The following FIP1L1 variants were observed in gnomAD, a reference collection of about 807,000 sequenced individuals.
FIP1L1 encodes the protein factor interacting with PAPOLA and CPSF1.
In FIP1L1, 21 loss-of-function variants were observed where a neutral mutation model predicts 84.6. The observed-to-expected ratio is 0.25, with a 90% CI of 0.18 to 0.36. The LOEUF is 0.36. FIP1L1 is among the 10% of genes least tolerant of loss of function. The probability of loss-of-function intolerance (pLI) is 1.00; values close to 1 mark genes in which losing one functional copy is unlikely to be tolerated. For synonymous variants in FIP1L1, 263 were observed against 242.3 expected, an observed-to-expected ratio of 1.09 and a Z score of -0.80; for missense variants, 526 against 751.1, an observed-to-expected ratio of 0.70 and a Z score of 3.50.
chr4:53,414,846 A>G (rs945913271), intron 11 of FIP1L1, 124 bp downstream of exon 11: 4 of 626,062 alleles, frequency 6.4e-6, no homozygotes, highest in African/African-American at 1.9e-5. Flanking sequence ...ATGCTTTTTC[A>G]GGGTACAGTT....
chr4:53,382,169 G>A, intron 3 of FIP1L1, 109 bp from the exon 4 acceptor site: 1 of 726,466 alleles, frequency 1.4e-6, no homozygotes, highest in Non-Finnish European at 2.3e-6. Flanking sequence ...TGTCTCCAGT[G>A]GAGACAATAA....
At chr4:53,438,267 G>A (rs1770368379) in intron 13 of FIP1L1, among the ~76,000 whole-genome samples, 1 of 152,166 alleles carries the variant, frequency 6.6e-6, no homozygotes, top group South Asian at 2.1e-4. Context: ...GAAGATGGAG[G>A]TGTTGGGAGG....
chr4:53,431,843 C>T (rs1766821627), intron 13 of FIP1L1, among the ~76,000 whole-genome samples: 1 of 152,190 alleles, frequency 6.6e-6, no homozygotes, highest in Non-Finnish European at 1.5e-5. Context: ...AGATAACTCT[C>T]ATTTGAAGGA....
Position 53,460,700 on chromosome 4 carries a change from T to C in FIP1L1, c.*1251T>C. 1.9e-6 allele frequency: 1 copy of C among 518,140 alleles called. No homozygotes were observed. Among genetic ancestry groups the C allele is most frequent in the Non-Finnish European group, 3.3e-6 (1 of 300,956 alleles). 32.1% of individuals were successfully genotyped at this position (518,140 alleles called of 1,614,324 possible). ...AATGTTGTAGAGTAATGAGAAATCC[T>C]CCACACTGAAAAAAAACTAGTAGTT... On this transcript the variant is annotated 3_prime_UTR_variant, in exon 18 of 18. Coordinates refer to ENST00000337488, the MANE Select transcript of FIP1L1 (RefSeq NM_030917.4).
intron 6 of FIP1L1, among the ~76,000 whole-genome samples, chr4:53,390,286 A>G (rs964588742): frequency 1.1e-4 from 17 of 152,100 alleles, no homozygotes; most frequent in African/African-American, 3.4e-4. Flanking sequence ...ACCGTACATC[A>G]CAGAGACTGG....
chr4:53,394,728 AATTT>A (rs1404898501), intron 9 of FIP1L1, among the ~76,000 whole-genome samples: 1 of 149,260 alleles, frequency 6.7e-6, no homozygotes, highest in East Asian at 1.9e-4. Context: ...AAATTGTGAT[AATTT>A]ATTTATGGTT....
chr4:53,391,750 G>A (rs1201013414), intron 9 of FIP1L1, among the ~76,000 whole-genome samples: 1 of 152,138 alleles, frequency 6.6e-6, no homozygotes, highest in Admixed American at 6.6e-5. Flanking sequence ...TTCATTTTGA[G>A]TCGTAATACA....
intron 11 of FIP1L1, among the ~76,000 whole-genome samples, chr4:53,421,009 G>A (rs1001883484): frequency 1.3e-5 from 2 of 152,152 alleles, no homozygotes; most frequent in African/African-American, 2.4e-5. Flanking sequence ...CTTCAAAAAA[G>A]TATTGATGCT....
intron 4 of FIP1L1, among the ~76,000 whole-genome samples, chr4:53,383,021 T>C (rs1215836013): frequency 6.6e-6 from 1 of 151,956 alleles, no homozygotes; most frequent in Non-Finnish European, 1.5e-5. Context: ...CTTTGGGGTT[T>C]TTTTTTTTAA....
At chr4:53,458,602 T>C in intron 16 of FIP1L1, 51 bp from the exon 17 acceptor site, 1 of 1,581,802 alleles carries the variant, frequency 6.3e-7, no homozygotes, top group South Asian at 1.2e-5. Context: ...TTTGAATCCA[T>C]TCAGAATTAA....
intron 4 of FIP1L1, among the ~76,000 whole-genome samples, chr4:53,382,730 T>G: frequency 6.6e-6 from 1 of 152,256 alleles, no homozygotes; most frequent in East Asian, 1.9e-4. Flanking sequence ...ATGCCATTGA[T>G]ACTTTGTGAG....
intron 10 of FIP1L1, among the ~76,000 whole-genome samples, chr4:53,413,062 C>T (rs149367519): frequency 3.3e-5 from 5 of 152,026 alleles, no homozygotes; most frequent in African/African-American, 1.2e-4. Flanking sequence ...GTGTTTAAAC[C>T]GTATGTATGA....
chr4:53,442,128 T>C (rs1245393314), intron 13 of FIP1L1: 1 of 152,750 alleles, frequency 6.5e-6, no homozygotes, highest in African/African-American at 2.4e-5. Context: ...TAAAACAGTT[T>C]GTTAGGGTTG....
chr4:53,399,935 C>CA (rs1340160648), intron 10 of FIP1L1, 96 bp downstream of exon 10: 3 of 790,312 alleles, frequency 3.8e-6, no homozygotes, highest in Admixed American at 5.2e-5. Context: ...AATGTTTTAC[C>CA]AAAAAACTGG....
chr4:53,391,052 T>G lies in FIP1L1; in HGVS notation c.549T>G (p.Asp183Glu). 2 of 1,610,994 alleles carry G rather than the reference T, an allele frequency of 1.2e-6. No individual in the cohort carries two copies. Among genetic ancestry groups the G allele is most frequent in the Non-Finnish European group, 1.7e-6 (2 of 1,178,478 alleles). Residue 183 changes from aspartate to glutamate, a missense_variant, in exon 8 of 18, where the codon GAT becomes GAG. Around this residue, in one of 6 missense-constraint regions of FIP1L1, gnomAD observed 169 missense variants for 206.9 expected, o/e 0.82. Transcript: ENST00000337488. ...SDYFNYGFNE[D>E]TWKAYCEKQK... ...ATTTTAATTATGGGTTTAATGAAGATACCTGGAAAGCTTACTGTGAAAAAC... is the reference window on the plus strand; with the variant it reads ...ATTTTAATTATGGGTTTAATGAAGAGACCTGGAAAGCTTACTGTGAAAAAC...
intron 11 of FIP1L1, among the ~76,000 whole-genome samples, chr4:53,417,045 A>T (rs1197685037): frequency 1.3e-5 from 2 of 152,216 alleles, no homozygotes; most frequent in African/African-American, 4.8e-5. Flanking sequence ...AACATCTGGA[A>T]TTCCTTTTAT....
intron 14 of FIP1L1, among the ~76,000 whole-genome samples, chr4:53,443,599 A>G (rs1263388248): frequency 6.6e-6 from 1 of 152,204 alleles, no homozygotes; most frequent in Non-Finnish European, 1.5e-5. Context: ...TTGTGAGAAC[A>G]TAAGGATTTA....
At chr4:53,449,819 G>A (rs1348560988) in intron 15 of FIP1L1, among the ~76,000 whole-genome samples, 1 of 152,014 alleles carries the variant, frequency 6.6e-6, no homozygotes, top group Non-Finnish European at 1.5e-5. Flanking sequence ...TTTGAGTTTG[G>A]TAAGTTTTTG....
At position 53,441,380 on chromosome 4, in the gene FIP1L1, G is replaced by A. The variant is rs1771865898; in HGVS notation, c.1175-1273G>A. Among the ~76,000 whole-genome samples, 3 of 151,854 alleles carry A rather than the reference G, an allele frequency of 2.0e-5. No homozygotes were observed. The South Asian group carries it at 6.2e-4, about 31-fold the overall frequency. On this transcript the variant is annotated intron_variant, in intron 13 of 17. Coordinates refer to ENST00000337488, the MANE Select transcript of FIP1L1 (RefSeq NM_030917.4). ...CATAGTACAGTATACATACTTAGAT[G>A]TGGAATACAGACATTGATTATGTGT...
Sources: allele counts gnomAD v4.1 joint callset (sites outside exome capture counted in the v4.1 genomes callset), GRCh38; gene constraint gnomAD v4.1.1; regional missense constraint gnomAD v4.1.1; transcripts MANE v1.5; gene names NCBI Gene and HGNC (gene_info 2026-07-23, HGNC 2026-07-21).